The following LRRD1 variants were observed in gnomAD, a reference collection of about 807,000 sequenced individuals.
LRRD1 encodes leucine rich repeats and death domain containing 1.
Under a neutral mutation model 69.5 loss-of-function variants are expected in LRRD1, and 49 were observed. That is an observed-to-expected ratio of 0.70 (90% CI 0.56 to 0.89). The LOEUF is 0.89. Ranked by LOEUF, LRRD1 falls within the 40% of genes least tolerant of loss-of-function variation. The pLI is 0.00. For synonymous variants in LRRD1, 303 were observed against 338.9 expected, an observed-to-expected ratio of 0.89 and a Z score of 1.16; for missense variants, 853 against 956.0, an observed-to-expected ratio of 0.89 and a Z score of 1.42.
chr7:92,143,948 G>A (rs1484951239), downstream of LRRD1, among the ~76,000 whole-genome samples: 1 of 152,244 alleles, frequency 6.6e-6, no homozygotes, highest in African/African-American at 2.4e-5. Context: ...AGATATTGAT[G>A]TTAGTGCTGG....
At chr7:92,148,474 G>GAT (rs71990084) in intron 4 of LRRD1, among the ~76,000 whole-genome samples, 160 of 150,454 alleles carry the variant, frequency 1.1e-3, no homozygotes, top group East Asian at 9.6e-3. Flanking sequence ...TTCATGCTAT[G>GAT]ATATATATAT....
At chr7:92,165,298 T>G (rs1788883878) in intron 1 of LRRD1, 22 bp from the exon 2 acceptor site, 1 of 636,824 alleles carries the variant, frequency 1.6e-6, no homozygotes, top group Admixed American at 3.6e-5. Flanking sequence ...ATGTTGAAAT[T>G]AAAAGATGTA....
At chr7:92,171,344 T>C (rs891932449) in intron 1 of LRRD1, among the ~76,000 whole-genome samples, 5 of 151,824 alleles carry the variant, frequency 3.3e-5, no homozygotes, top group South Asian at 2.1e-4. Flanking sequence ...TAAGGAGATA[T>C]AACAACTGAG....
chr7:92,153,466 G>GTT (rs990081357), intron 3 of LRRD1, among the ~76,000 whole-genome samples: 9 of 142,232 alleles, frequency 6.3e-5, no homozygotes, highest in Admixed American at 7.0e-5. Flanking sequence ...TTTGTTTTTA[G>GTT]TTTTTTTTTT....
At chr7:92,177,356 C>G (rs1287883603) in intron 1 of LRRD1, among the ~76,000 whole-genome samples, 1 of 152,032 alleles carries the variant, frequency 6.6e-6, no homozygotes, top group Admixed American at 6.6e-5. Flanking sequence ...AATGCATTCC[C>G]TGAAGGTTCA....
intron 1 of LRRD1, among the ~76,000 whole-genome samples, chr7:92,166,598 A>G (rs1788916787): frequency 6.6e-6 from 1 of 152,266 alleles, no homozygotes; most frequent in South Asian, 2.1e-4. Context: ...TTCATGAGTC[A>G]GTTGCATTTG....
At chr7:92,178,732 A>G (rs1374242306) in intron 1 of LRRD1, 3 of 152,266 alleles carry the variant, frequency 2.0e-5, no homozygotes, top group Admixed American at 6.5e-5. Context: ...AGGCAAAAAT[A>G]TATGCAAATT....
chr7:92,154,989 T>C (rs779788551), intron 3 of LRRD1, among the ~76,000 whole-genome samples: 1 of 152,214 alleles, frequency 6.6e-6, no homozygotes, highest in East Asian at 1.9e-4. Flanking sequence ...ATTTTGTAGT[T>C]TGAGGTGCAA....
intron 3 of LRRD1, among the ~76,000 whole-genome samples, chr7:92,158,479 C>A (rs538253474): frequency 6.6e-6 from 1 of 151,736 alleles, no homozygotes; most frequent in Non-Finnish European, 1.5e-5. Flanking sequence ...ATATAATCAA[C>A]GCAGTATTTG....
intron 1 of LRRD1, among the ~76,000 whole-genome samples, chr7:92,173,814 AATTCCACTACTGGT>A (rs1190519402): frequency 6.6e-6 from 1 of 152,194 alleles, no homozygotes; most frequent in Admixed American, 6.5e-5. Flanking sequence ...ATGGTTCAGG[AATTCCACTACTGGT>A]ATATATCCAA....
chr7:92,167,320 T>A (rs1475623300), intron 1 of LRRD1, among the ~76,000 whole-genome samples: 1 of 151,882 alleles, frequency 6.6e-6, no homozygotes, highest in East Asian at 2.0e-4. Context: ...GGTCTCGATC[T>A]CCTGACCTTG....
intron 1 of LRRD1, among the ~76,000 whole-genome samples, chr7:92,171,489 C>G (rs886770593): frequency 6.6e-6 from 1 of 152,152 alleles, no homozygotes; most frequent in African/African-American, 2.4e-5. Context: ...AAATAGAACA[C>G]TTCAACAAAC....
At chr7:92,168,673 A>G (rs1443471804) in intron 1 of LRRD1, among the ~76,000 whole-genome samples, 7 of 152,174 alleles carry the variant, frequency 4.6e-5, no homozygotes, top group South Asian at 2.1e-4. Flanking sequence ...AAAAAAAAAA[A>G]AAAGAAAGAA....
chr7:92,163,352 A>C lies in LRRD1; in HGVS notation c.1851T>G (p.Phe617Leu). ...LNFSSNQFIH[F>L]PIELCQLQSL... ...ATTGAAGTTGGCACAGTTCAATAGGAAAATGTATAAATTGATTGCTTGAGA... is the reference window on the plus strand; with the variant it reads ...ATTGAAGTTGGCACAGTTCAATAGGCAAATGTATAAATTGATTGCTTGAGA... The change falls in exon 2 of 6, where the codon TTT becomes TTG. Residue 617 changes from phenylalanine to leucine, a missense_variant. Coordinates refer to ENST00000458448, the MANE Select transcript of LRRD1 (RefSeq NM_001161528.2). 1 of 1,540,352 alleles carries C rather than the reference A, an allele frequency of 6.5e-7. No individual in the cohort carries two copies. Among genetic ancestry groups the C allele is most frequent in the Non-Finnish European group, 8.7e-7 (1 of 1,143,700 alleles).
At chr7:92,159,228 AC>A (rs1788746190) in intron 2 of LRRD1, 25 bp from the exon 3 acceptor site, 1 of 1,341,206 alleles carries the variant, frequency 7.5e-7, no homozygotes, top group Non-Finnish European at 9.9e-7. Flanking sequence ...ACACAATTAT[AC>A]ATTTATAAAT....
chr7:92,178,900 C>G (rs1789255614), intron 1 of LRRD1, 107 bp downstream of exon 1: 1 of 152,214 alleles, frequency 6.6e-6, no homozygotes, highest in Non-Finnish European at 1.5e-5. Flanking sequence ...TCAGTACAGG[C>G]TAACGTAACG....
At chr7:92,157,269 G>T (rs1196325538) in intron 3 of LRRD1, among the ~76,000 whole-genome samples, 4 of 151,900 alleles carry the variant, frequency 2.6e-5, no homozygotes, top group South Asian at 4.1e-4. Context: ...GAATTACATG[G>T]ATTAGTTTTT....
rs1788966490 is a variant in LRRD1 at position 92,168,270 on chromosome 7, C to T, written c.-74-2994G>A. 2.0e-5 allele frequency among the ~76,000 whole-genome samples: 3 copies of T among 152,300 alleles called. No homozygotes were observed. In the South Asian group the frequency reaches 6.2e-4, roughly 32 times the overall value. ...GGGAAAGTGAGATCAAGGTGGACAG[C>T]TGGCTTCCCTGCCAACTTGGATTCC... On this transcript the variant is annotated intron_variant, in intron 1 of 5. Coordinates refer to ENST00000458448, the MANE Select transcript of LRRD1 (RefSeq NM_001161528.2).
At chr7:92,162,865 G>A (rs535936261) in intron 2 of LRRD1, among the ~76,000 whole-genome samples, 152 of 152,114 alleles carry the variant, frequency 1.0e-3, no homozygotes, top group African/African-American at 3.6e-3. Flanking sequence ...TATGCATAAC[G>A]GGAAAAAAGA....
Sources: allele counts gnomAD v4.1 joint callset (sites outside exome capture counted in the v4.1 genomes callset), GRCh38; gene constraint gnomAD v4.1.1; transcripts MANE v1.5; gene names NCBI Gene and HGNC (gene_info 2026-07-23, HGNC 2026-07-21).